The following NRL variants were observed in gnomAD, a reference collection of about 807,000 sequenced individuals.
NRL encodes neural retina leucine zipper.
Under a neutral mutation model 12.5 loss-of-function variants are expected in NRL, and 16 were observed. That is an observed-to-expected ratio of 1.28 (90% CI 0.87 to 1.95). The LOEUF (loss-of-function observed/expected upper bound fraction) is 1.95. Ranked by LOEUF, NRL falls within the 30% of genes most tolerant of loss-of-function variation. The probability of loss-of-function intolerance (pLI) is 0.00; values close to 1 mark genes in which losing one functional copy is unlikely to be tolerated. For missense variants in NRL, 314 were observed against 325.8 expected (o/e 0.96, Z 0.28); for synonymous variants, 142 against 150.9 (o/e 0.94, Z 0.43).
intron 1 of NRL, among the ~76,000 whole-genome samples, chr14:24,089,026 G>A (rs1242197366): frequency 6.6e-6 from 1 of 151,558 alleles, no homozygotes; most frequent in African/African-American, 2.4e-5. Flanking sequence ...AGATGGTCTC[G>A]ATCTCCTGAC....
At chr14:24,099,139 G>A (rs1430535996) in intron 1 of NRL, 3 of 1,611,926 alleles carry the variant, frequency 1.9e-6, no homozygotes, top group East Asian at 2.2e-5. Context: ...TTCGGCAGCG[G>A]CTATGGTGGC....
intron 1 of NRL, chr14:24,098,386 G>C (rs769896049): frequency 6.2e-7 from 1 of 1,612,084 alleles, no homozygotes. Context: ...GCTGCATGCA[G>C]GGTAACCAGG....
chr14:24,086,892 C>T (rs1190177084), intron 1 of NRL, among the ~76,000 whole-genome samples: 1 of 152,212 alleles, frequency 6.6e-6, no homozygotes, highest in Non-Finnish European at 1.5e-5. Flanking sequence ...TGGGCCCAGT[C>T]TGGGCCAGAG....
In NRL at chr14:24,085,805, CAT is replaced by C. The variant is rs1425289494; in HGVS notation, c.-27-2932_-27-2931del. ...GTGTGGTCCCCAGAGCAGCAGCATC[CAT>C]ATCACCTGGGAACTTGCTAGAAATA... On this transcript the variant is annotated intron_variant, in intron 1 of 2. Coordinates refer to ENST00000561028, the MANE Select transcript of NRL (RefSeq NM_001354768.3). This position sits in a 1 kb window ranked among gnomAD's most constrained non-coding sequence, Gnocchi z 4.1. 6.6e-6 allele frequency among the ~76,000 whole-genome samples: 1 copy of C among 152,206 alleles called. No individual in the cohort carries two copies. Among genetic ancestry groups the C allele is most frequent in the Non-Finnish European group, 1.5e-5 (1 of 68,046 alleles).
At chr14:24,102,753 G>T in intron 1 of NRL, 2 of 1,612,760 alleles carry the variant, frequency 1.2e-6, no homozygotes, top group Non-Finnish European at 1.7e-6. Context: ...CCTCTGCCAG[G>T]TGACAAGGAG....
chr14:24,099,472 A>G, intron 1 of NRL: 2 of 1,299,142 alleles, frequency 1.5e-6, no homozygotes, highest in South Asian at 2.8e-5. Flanking sequence ...GGTCCTCCCT[A>G]TTAGACCCTA....
intron 1 of NRL, among the ~76,000 whole-genome samples, chr14:24,091,767 T>G (rs2036639334): frequency 6.6e-6 from 1 of 152,220 alleles, no homozygotes; most frequent in Admixed American, 6.5e-5. Flanking sequence ...GGTAAACAAT[T>G]AGAACATTTC....
intron 1 of NRL, among the ~76,000 whole-genome samples, chr14:24,113,360 C>G (rs1306701084): frequency 6.6e-6 from 1 of 150,378 alleles, no homozygotes; most frequent in South Asian, 2.1e-4. Context: ...CACATGTACC[C>G]TAAAACTTAG....
Position 24,081,243 on chromosome 14 carries a change from A to G in NRL, c.707T>C (p.Phe236Ser). 6.7e-7 allele frequency: 1 copy of G among 1,497,964 alleles called. No homozygotes were observed. 92.8% of individuals were successfully genotyped at this position (1,497,964 alleles called of 1,614,324 possible). Residue 236 changes from phenylalanine (F) to serine (S), a missense_variant, in exon 3 of 3, where the codon TTC (phenylalanine) becomes TCC (serine). Transcript: ENST00000561028. This position sits in a 1 kb window ranked among gnomAD's most constrained non-coding sequence, Gnocchi z 4.4. ...CAAGGTGCTCTGAACGGCTCAGAGG[A>G]AGAGGTGGGAGGGGTCCCCGGACCC... is the stretch of plus-strand genomic sequence containing the variant. ...GPGSGDPSHL[F>S]L
intron 1 of NRL, among the ~76,000 whole-genome samples, chr14:24,109,571 G>A (rs748214185): frequency 9.9e-5 from 15 of 151,810 alleles, no homozygotes; most frequent in African/African-American, 1.5e-4. Context: ...GGTGGCGGGC[G>A]CCTGTAGTCC....
At position 24,094,272 on chromosome 14, in the gene NRL, G is replaced by GC. The variant is rs981240371; in HGVS notation, c.-27-11398dup. ...CCTACCAGGTTCCGCCCCCGCGCCT[G>GC]CCCCCCTCCTTTTTAAGCGCCTCCC... On this transcript the variant is annotated intron_variant, in intron 1 of 2. Transcript: ENST00000561028. This position sits in a 1 kb window ranked among gnomAD's most constrained non-coding sequence, Gnocchi z 4.1. 177 of 837,556 alleles carry GC rather than the reference G, an allele frequency of 2.1e-4. No individual in the cohort carries two copies. The African/African-American group carries it at 2.5e-3, about 12-fold the overall frequency. 51.9% of individuals were successfully genotyped at this position (837,556 alleles called of 1,614,324 possible).
At chr14:24,107,830 A>C (rs563747922) in intron 1 of NRL, among the ~76,000 whole-genome samples, 5 of 152,298 alleles carry the variant, frequency 3.3e-5, no homozygotes, top group South Asian at 4.1e-4. Context: ...TCATTACCCT[A>C]TGGTATTGTT....
intron 1 of NRL, among the ~76,000 whole-genome samples, chr14:24,096,228 C>CTTTTTTTTTT (rs34592767): frequency 1.7e-5 from 1 of 58,848 alleles, no homozygotes; most frequent in Non-Finnish European, 2.9e-5. Context: ...CTACTCATTT[C>CTTTTTTTTTT]TTTTTTTTTT....
At chr14:24,101,606 T>A (rs938460663) in intron 1 of NRL, among the ~76,000 whole-genome samples, 1 of 152,176 alleles carries the variant, frequency 6.6e-6, no homozygotes, top group Non-Finnish European at 1.5e-5. Context: ...GGCAGGGAAA[T>A]CACCAACATG....
intron 1 of NRL, among the ~76,000 whole-genome samples, chr14:24,089,579 C>T (rs1351718051): frequency 6.6e-6 from 1 of 152,190 alleles, no homozygotes; most frequent in Non-Finnish European, 1.5e-5. Context: ...GGTTTGAGGG[C>T]CTCTATTTGT....
At chr14:24,084,142 G>C (rs1051560442) in intron 1 of NRL, among the ~76,000 whole-genome samples, 1 of 152,214 alleles carries the variant, frequency 6.6e-6, no homozygotes, top group African/African-American at 2.4e-5. Flanking sequence ...TCTACCCAGA[G>C]AGGCAAAGAG....
rs1056311127 is a variant in NRL, at chr14:24,085,314, C to G, written c.-27-2439G>C. 6.6e-6 allele frequency among the ~76,000 whole-genome samples: 1 copy of G among 152,196 alleles called. No individual in the cohort carries two copies. The highest frequency in any genetic ancestry group is 1.5e-5 in the Non-Finnish European group (1 of 68,034). On this transcript the variant is annotated intron_variant, in intron 1 of 2. Coordinates refer to ENST00000561028, the MANE Select transcript of NRL (RefSeq NM_001354768.3). This position sits in a 1 kb window ranked among gnomAD's most constrained non-coding sequence, Gnocchi z 4.1. ...TCTGGGCCTCAAGGGACATTGAAAT[C>G]TAATCACCACCAGTCCGTCGGAGAC...
chr14:24,103,696 C>A (rs1433174539), intron 1 of NRL: 4 of 1,614,062 alleles, frequency 2.5e-6, no homozygotes, highest in Non-Finnish European at 2.5e-6. Context: ...GGGGAGAATG[C>A]TCGGGTGCTA....
chr14:24,090,383 TG>T (rs1467705741), intron 1 of NRL, among the ~76,000 whole-genome samples: 1 of 151,394 alleles, frequency 6.6e-6, no homozygotes. Context: ...GCTCTGGGGC[TG>T]GGATGGACCT....
Sources: allele counts gnomAD v4.1 joint callset (sites outside exome capture counted in the v4.1 genomes callset), GRCh38; gene constraint gnomAD v4.1.1; non-coding constraint Gnocchi (gnomAD v3.1); transcripts MANE v1.5; gene names NCBI Gene and HGNC (gene_info 2026-07-23, HGNC 2026-07-21).